The following CACNA2D3 variants were observed in gnomAD, a reference collection of about 807,000 sequenced individuals.
CACNA2D3 encodes voltage-dependent calcium channel subunit alpha-2/delta-3.
CACNA2D3 carries 60 observed loss-of-function variants against 160.6 expected under a neutral mutation model. The observed-to-expected ratio is 0.37, with a 90% CI of 0.30 to 0.46. CACNA2D3 has a LOEUF of 0.46. Among genes scored for constraint, CACNA2D3 ranks in the 20% least tolerant of loss-of-function variants. CACNA2D3 has a pLI of 1.00. For missense variants in CACNA2D3, 1,205 were observed against 1,365.0 expected (o/e 0.88, Z 1.85); for synonymous variants, 558 against 492.9 (o/e 1.13, Z -1.75).
rs1703055359 is a variant in CACNA2D3 at position 55,004,790 on chromosome 3, G to A, written c.2718G>A (p.Met906Ile). ...TTACCCTTTATGACTACCAAGCCAT[G>A]TGTAGAGCCAACAAGGAAAGCAGCG... Reference protein sequence around the residue: ...KRITLYDYQAMCRANKESSDG... With the variant: ...KRITLYDYQAICRANKESSDG... The change falls in exon 32 of 38, where the codon ATG becomes ATA. Residue 906 changes from methionine (M) to isoleucine (I), a missense_variant. Transcript: ENST00000474759. 3 of 1,613,660 alleles carry A rather than the reference G, an allele frequency of 1.9e-6. No individual in the cohort carries two copies. Among genetic ancestry groups the A allele is most frequent in the Non-Finnish European group, 2.5e-6 (3 of 1,179,606 alleles).
intron 4 of CACNA2D3, 41 bp downstream of exon 4, chr3:54,386,815 C>T (rs760391829): frequency 6.5e-7 from 1 of 1,529,888 alleles, no homozygotes; most frequent in Non-Finnish European, 8.9e-7. Context: ...TTGTGTGTTT[C>T]CTGCCAAAGG....
At chr3:54,660,561 C>A (rs988163638) in intron 11 of CACNA2D3, among the ~76,000 whole-genome samples, 8 of 152,218 alleles carry the variant, frequency 5.3e-5, no homozygotes, top group African/African-American at 1.7e-4. Flanking sequence ...TCTCAGTAGG[C>A]TGGCCCTTAC....
intron 3 of CACNA2D3, among the ~76,000 whole-genome samples, chr3:54,367,983 G>A (rs1252378442): frequency 6.6e-6 from 1 of 152,190 alleles, no homozygotes; most frequent in African/African-American, 2.4e-5. Context: ...TGCGCTGTTG[G>A]TGGCTTTCAT....
chr3:54,789,421 T>A (rs1702704075), intron 13 of CACNA2D3, among the ~76,000 whole-genome samples: 1 of 152,218 alleles, frequency 6.6e-6, no homozygotes, highest in Non-Finnish European at 1.5e-5. Context: ...ATGTTGGAAT[T>A]CCTTTATGAT....
At chr3:54,769,883 T>C (rs1235133963) in intron 13 of CACNA2D3, among the ~76,000 whole-genome samples, 1 of 152,166 alleles carries the variant, frequency 6.6e-6, no homozygotes, top group Non-Finnish European at 1.5e-5. Context: ...TGGCTGTAAT[T>C]ATGTGCTGTG....
intron 2 of CACNA2D3, among the ~76,000 whole-genome samples, chr3:54,319,891 A>G (rs1703950390): frequency 6.6e-6 from 1 of 152,178 alleles, no homozygotes; most frequent in African/African-American, 2.4e-5. Context: ...AATCTCTTTA[A>G]TATTTGATTT....
chr3:54,304,167 T>C (rs532993073), intron 2 of CACNA2D3, among the ~76,000 whole-genome samples: 6 of 152,226 alleles, frequency 3.9e-5, no homozygotes, highest in African/African-American at 1.2e-4. Context: ...TTCCCCCGAG[T>C]TGTGAAAGCC....
intron 14 of CACNA2D3, among the ~76,000 whole-genome samples, chr3:54,818,728 G>T (rs1703518528): frequency 6.6e-6 from 1 of 152,148 alleles, no homozygotes; most frequent in Admixed American, 6.5e-5. Flanking sequence ...CATCCCAAGG[G>T]ACTTGTTCTA....
chr3:55,015,573 T>G (rs1037589963), intron 34 of CACNA2D3, among the ~76,000 whole-genome samples: 1 of 152,256 alleles, frequency 6.6e-6, no homozygotes, highest in Non-Finnish European at 1.5e-5. Flanking sequence ...CTTTATTTCA[T>G]GTCAAGGGAC....
At chr3:54,810,610 A>G (rs1008764161) in intron 13 of CACNA2D3, among the ~76,000 whole-genome samples, 2 of 152,234 alleles carry the variant, frequency 1.3e-5, no homozygotes, top group African/African-American at 4.8e-5. Context: ...GAATAAAGAT[A>G]TGTAGGCCAG....
intron 15 of CACNA2D3, 30 bp downstream of exon 15, chr3:54,837,260 A>G (rs761111721): frequency 6.3e-7 from 1 of 1,598,482 alleles, no homozygotes; most frequent in South Asian, 1.1e-5. Flanking sequence ...TTCCTGCTTG[A>G]TGCTAGGAGG....
At chr3:54,855,465 G>A (rs1265537166) in intron 17 of CACNA2D3, among the ~76,000 whole-genome samples, 1 of 152,108 alleles carries the variant, frequency 6.6e-6, no homozygotes. Flanking sequence ...TGTATACCAC[G>A]TGCTTCCTGC....
intron 3 of CACNA2D3, among the ~76,000 whole-genome samples, chr3:54,371,499 A>G (rs988442467): frequency 6.6e-6 from 1 of 152,188 alleles, no homozygotes; most frequent in Non-Finnish European, 1.5e-5. Flanking sequence ...TAATTCATTG[A>G]TTTTAGTAAA....
chr3:54,992,270 T>C (rs1420204975), intron 31 of CACNA2D3, among the ~76,000 whole-genome samples: 3 of 152,180 alleles, frequency 2.0e-5, no homozygotes, highest in Admixed American at 6.5e-5. Context: ...AGTCACCTGA[T>C]CTTTGCAGCA....
At chr3:54,677,714 C>T (rs1700270161) in intron 11 of CACNA2D3, among the ~76,000 whole-genome samples, 1 of 151,764 alleles carries the variant, frequency 6.6e-6, no homozygotes, top group Admixed American at 6.6e-5. Context: ...TATCTTTGCC[C>T]CAGTTGATTC....
chr3:54,477,302 C>G (rs1273091038), intron 4 of CACNA2D3, among the ~76,000 whole-genome samples: 4 of 151,644 alleles, frequency 2.6e-5, no homozygotes, highest in Admixed American at 1.3e-4. Context: ...TGGCCAAGGT[C>G]GTTGCGGGAA....
chr3:54,298,888 T>C (rs1327241385), intron 2 of CACNA2D3, among the ~76,000 whole-genome samples: 2 of 135,778 alleles, frequency 1.5e-5, no homozygotes, highest in South Asian at 4.6e-4. Flanking sequence ...GAGGCTGCAG[T>C]GAGCTGATTA....
chr3:54,694,348 T>C (rs1700623298), intron 11 of CACNA2D3, among the ~76,000 whole-genome samples: 1 of 152,222 alleles, frequency 6.6e-6, no homozygotes, highest in Admixed American at 6.5e-5. Flanking sequence ...TAGGTGTGTG[T>C]AAATACACTC....
At chr3:55,019,959 A>G (rs1368992172) in intron 35 of CACNA2D3, among the ~76,000 whole-genome samples, 1 of 152,134 alleles carries the variant, frequency 6.6e-6, no homozygotes, top group Non-Finnish European at 1.5e-5. Flanking sequence ...CAGTACATTC[A>G]CAGTGTTGTG....
Sources: allele counts gnomAD v4.1 joint callset (sites outside exome capture counted in the v4.1 genomes callset), GRCh38; gene constraint gnomAD v4.1.1; transcripts MANE v1.5; gene names NCBI Gene and HGNC (gene_info 2026-07-23, HGNC 2026-07-21).